NELL1: variants seen among roughly 807,000 people sequenced by gnomAD.
The protein encoded by NELL1 is neural EGFL like 1.
A neutral mutation model predicts 107.4 loss-of-function variants in NELL1; 76 were observed. The observed-to-expected ratio is 0.71, with a 90% CI of 0.59 to 0.86. NELL1 has a LOEUF of 0.86. NELL1 is among the 40% of genes least tolerant of loss of function. The pLI, the probability that NELL1 is intolerant of heterozygous loss-of-function variation, is 0.00. For missense variants in NELL1, 1,024 were observed against 1,005.5 expected, an observed-to-expected ratio of 1.02 and a Z score of -0.25; for synonymous variants, 353 against 341.2, an observed-to-expected ratio of 1.03 and a Z score of -0.38.
At chr11:20,775,466 T>C (rs1856732566) in intron 2 of NELL1, among the ~76,000 whole-genome samples, 1 of 93,010 alleles carries the variant, frequency 1.1e-5, no homozygotes, top group Admixed American at 1.3e-4. Context: ...AATCGTATTA[T>C]AAAAATCTTT....
chr11:20,971,195 A>T (rs1851494118), intron 12 of NELL1, among the ~76,000 whole-genome samples: 1 of 152,028 alleles, frequency 6.6e-6, no homozygotes, highest in South Asian at 2.1e-4. Context: ...ATTATTTTTT[A>T]GTGATGTACC....
At chr11:20,767,651 T>C (rs1856558600) in intron 2 of NELL1, among the ~76,000 whole-genome samples, 1 of 152,228 alleles carries the variant, frequency 6.6e-6, no homozygotes, top group Non-Finnish European at 1.5e-5. Context: ...TGTAAGAGTA[T>C]GACAGACACC....
chr11:21,199,755 G>T (rs1265829394), intron 13 of NELL1, among the ~76,000 whole-genome samples: 1 of 151,814 alleles, frequency 6.6e-6, no homozygotes, highest in Non-Finnish European at 1.5e-5. Flanking sequence ...CCATCAACCT[G>T]TCATCTACAT....
intron 5 of NELL1, among the ~76,000 whole-genome samples, chr11:20,915,802 A>T (rs183189057): frequency 5.2e-5 from 7 of 135,710 alleles, no homozygotes; most frequent in Non-Finnish European, 1.1e-4. Context: ...TTGTAGTTTT[A>T]TGAAGGAAAC....
chr11:21,095,271 T>C (rs1056786028), intron 12 of NELL1, among the ~76,000 whole-genome samples: 4 of 152,168 alleles, frequency 2.6e-5, no homozygotes, highest in African/African-American at 9.6e-5. Context: ...AACCTTATTG[T>C]CCATATCGCT....
chr11:21,231,294 CAT>C (rs965751993), intron 14 of NELL1, among the ~76,000 whole-genome samples: 14 of 151,972 alleles, frequency 9.2e-5, no homozygotes, highest in Admixed American at 4.6e-4. Flanking sequence ...CCTTATTGCC[CAT>C]GTGTGTGTGA....
At chr11:20,760,212 G>T (rs1331454130) in intron 2 of NELL1, among the ~76,000 whole-genome samples, 1 of 152,244 alleles carries the variant, frequency 6.6e-6, no homozygotes, top group Non-Finnish European at 1.5e-5. Flanking sequence ...GAAAAGAGGA[G>T]ATTGACACTA....
In NELL1 at chr11:21,481,830, C is replaced by T. The variant is rs138734080; in HGVS notation, c.1646-52544C>T. ...GTATCTGAAAAAAAGAACTCATTTA[C>T]ACAAAGAGTATGCCATAGCTCCGCT... On this transcript the variant is annotated intron_variant, in intron 15 of 19. Transcript: ENST00000357134. 1.9e-3 allele frequency among the ~76,000 whole-genome samples: 293 copies of T among 152,280 alleles called. 1 individual carries two copies. The highest frequency in any genetic ancestry group is 7.0e-3 in the African/African-American group (289 of 41,564).
At chr11:20,965,230 T>C (rs1182502363) in intron 12 of NELL1, among the ~76,000 whole-genome samples, 1 of 152,202 alleles carries the variant, frequency 6.6e-6, no homozygotes, top group Non-Finnish European at 1.5e-5. Flanking sequence ...TGTTTTGTCA[T>C]GCCAAATTCA....
chr11:21,232,181 T>TATATATATA (rs1375976378), intron 14 of NELL1, among the ~76,000 whole-genome samples: 11 of 131,962 alleles, frequency 8.3e-5, no homozygotes, highest in South Asian at 2.5e-4. Flanking sequence ...TATATATAAA[T>TATATATATA]TAGCTGGGCG....
chr11:21,549,919 G>A (rs906467691), intron 16 of NELL1, among the ~76,000 whole-genome samples: 3 of 140,300 alleles, frequency 2.1e-5, no homozygotes, highest in African/African-American at 9.8e-5. Context: ...GAATAAAAGA[G>A]TGGAAAAAGA....
At chr11:21,219,075 GT>G (rs1018683254) in intron 13 of NELL1, among the ~76,000 whole-genome samples, 11 of 152,074 alleles carry the variant, frequency 7.2e-5, no homozygotes, top group Admixed American at 6.6e-4. Flanking sequence ...TTTGATAAGG[GT>G]TGTACTAATT....
intron 13 of NELL1, among the ~76,000 whole-genome samples, chr11:21,224,051 T>C (rs1857829770): frequency 6.6e-6 from 1 of 152,190 alleles, no homozygotes; most frequent in South Asian, 2.1e-4. Context: ...TGGCATATCC[T>C]TATATGTGAT....
chr11:20,774,100 TCCTCCCTCCC>T (rs1426108761), intron 2 of NELL1, among the ~76,000 whole-genome samples: 1 of 2,064 alleles, frequency 4.8e-4, no homozygotes, highest in Non-Finnish European at 1.1e-3. Flanking sequence ...TTCCCTCCCT[TCCTCCCTCCC>T]TTCCTTTCTC....
chr11:21,289,061 G>A (rs1849193040), intron 14 of NELL1, among the ~76,000 whole-genome samples: 1 of 152,152 alleles, frequency 6.6e-6, no homozygotes, highest in Admixed American at 6.5e-5. Context: ...GGCAATAATA[G>A]GGTAGACCAG....
intron 2 of NELL1, among the ~76,000 whole-genome samples, chr11:20,695,834 G>A (rs998183044): frequency 2.0e-5 from 3 of 152,048 alleles, no homozygotes; most frequent in Admixed American, 1.3e-4. Context: ...TTTCACAATA[G>A]TTTCAGTGGA....
rs1012202929 is a variant in NELL1 at position 21,209,416 on chromosome 11, A to G, written c.1427-19916A>G. On this transcript the variant is annotated intron_variant, in intron 13 of 19. Transcript: ENST00000357134. The stretch of plus-strand genomic sequence containing the variant: ...AATGGTTTTTTTCAATTAAGGAAAT[A>G]TGGCATATACCTGGGATTTTTATCA... Among the ~76,000 whole-genome samples, 6 of 151,348 alleles carry G rather than the reference A, an allele frequency of 4.0e-5. No individual in the cohort carries two copies. In the South Asian group the frequency reaches 1.2e-3, roughly 31 times the overall value.
At chr11:21,309,260 G>GTATATA (rs35920508) in intron 14 of NELL1, among the ~76,000 whole-genome samples, 3 of 99,668 alleles carry the variant, frequency 3.0e-5, no homozygotes, top group Admixed American at 1.3e-4. Flanking sequence ...ATATATATAT[G>GTATATA]TATATATATA....
chr11:20,853,927 G>C (rs752511439), intron 4 of NELL1, among the ~76,000 whole-genome samples: 1 of 152,126 alleles, frequency 6.6e-6, no homozygotes, highest in Non-Finnish European at 1.5e-5. Flanking sequence ...CTCCTCCTGT[G>C]TAAGATTTTT....
Sources: gnomAD v4.1 joint callset for allele counts (sites outside exome capture counted in the v4.1 genomes callset) on GRCh38, gnomAD v4.1.1 for gene constraint, MANE v1.5 for transcripts, NCBI Gene and HGNC (gene_info 2026-07-23, HGNC 2026-07-21) for gene names.